The following PTPRK variants were observed in gnomAD, a reference collection of about 807,000 sequenced individuals.
PTPRK encodes the protein receptor-type tyrosine-protein phosphatase kappa.
A neutral mutation model predicts 178.0 loss-of-function variants in PTPRK; 75 were observed. That is an observed-to-expected ratio of 0.42 (90% confidence interval 0.35 to 0.51). The LOEUF (loss-of-function observed/expected upper bound fraction) is 0.51. Among genes scored for constraint, PTPRK ranks in the 20% least tolerant of loss-of-function variants. The probability of loss-of-function intolerance (pLI) is 0.02; values close to 1 mark genes in which losing one functional copy is unlikely to be tolerated. For synonymous variants in PTPRK, 637 were observed against 620.6 expected, an observed-to-expected ratio of 1.03 and a Z score of -0.39; for missense variants, 1,441 against 1,797.8, an observed-to-expected ratio of 0.80 and a Z score of 3.59.
rs138942312 is a variant in PTPRK, at chr6:127,989,757, A to G, written c.3096+1012T>C. Among the ~76,000 whole-genome samples the G allele has an allele frequency of 3.5e-3, 533 of 151,922 alleles. 3 individuals are homozygous for G. The highest frequency in any genetic ancestry group is 0.012 in the African/African-American group (485 of 41,508). ...GAAGGACAAAATGGTATATAAGTACACTAGGTTAAACATTTTTAATAGGCT... is the reference window on the plus strand; with the variant it reads ...GAAGGACAAAATGGTATATAAGTACGCTAGGTTAAACATTTTTAATAGGCT... On this transcript the variant is annotated intron_variant, in intron 21 of 29. Coordinates refer to ENST00000368226, the MANE Select transcript of PTPRK (RefSeq NM_002844.4).
intron 8 of PTPRK, among the ~76,000 whole-genome samples, chr6:128,086,133 C>A (rs1365013926): frequency 1.3e-5 from 2 of 152,066 alleles, no homozygotes; most frequent in African/African-American, 4.8e-5. Context: ...TGTTCCCTTG[C>A]CTGAGACTTA....
At chr6:128,296,519 G>A (rs61371904) in intron 3 of PTPRK, among the ~76,000 whole-genome samples, 35 of 152,280 alleles carry the variant, frequency 2.3e-4, no homozygotes, top group East Asian at 2.1e-3. Flanking sequence ...GACTAACAGC[G>A]GATCTCTTGG....
intron 2 of PTPRK, among the ~76,000 whole-genome samples, chr6:128,366,082 G>C (rs1835437768): frequency 6.6e-6 from 1 of 152,034 alleles, no homozygotes; most frequent in East Asian, 1.9e-4. Context: ...TGATGAACTA[G>C]CCCTTACCAT....
At chr6:128,390,085 T>C (rs573606445) in intron 2 of PTPRK, among the ~76,000 whole-genome samples, 7 of 152,118 alleles carry the variant, frequency 4.6e-5, no homozygotes, top group Non-Finnish European at 1.0e-4. Flanking sequence ...AATAGACAGA[T>C]GATAACATGG....
intron 13 of PTPRK, among the ~76,000 whole-genome samples, chr6:128,058,196 G>A (rs1032035119): frequency 1.3e-5 from 2 of 152,168 alleles, no homozygotes; most frequent in African/African-American, 4.8e-5. Context: ...GAATGGAATT[G>A]TTGGGACATG....
intron 1 of PTPRK, among the ~76,000 whole-genome samples, chr6:128,500,373 A>G (rs895846479): frequency 3.3e-5 from 5 of 149,428 alleles, no homozygotes; most frequent in African/African-American, 1.3e-4. Context: ...TGGGGGGGGG[A>G]GTCTCATTTC....
chr6:128,455,702 C>T (rs970744181), intron 1 of PTPRK, among the ~76,000 whole-genome samples: 5 of 152,124 alleles, frequency 3.3e-5, no homozygotes, highest in Non-Finnish European at 7.4e-5. Flanking sequence ...TATTCACACT[C>T]TAATGTCTTA....
At position 128,278,156 on chromosome 6, in the gene PTPRK, TTTA is replaced by T. The variant is rs529650496; in HGVS notation, c.496-35557_496-35555del. ...ATTTATTTATTTATTTATTTATTTA[TTTA>T]TTTATTTATTTATTTGAGACGGAGT... On this transcript the variant is annotated intron_variant, in intron 3 of 29. Coordinates refer to ENST00000368226, the MANE Select transcript of PTPRK (RefSeq NM_002844.4). Among the ~76,000 whole-genome samples the T allele has an allele frequency of 4.9e-4, 74 of 150,752 alleles. No homozygotes were observed. In the East Asian group the frequency reaches 9.7e-3, roughly 20 times the overall value.
intron 2 of PTPRK, among the ~76,000 whole-genome samples, chr6:128,363,290 G>A (rs943095495): frequency 6.6e-6 from 1 of 152,134 alleles, no homozygotes; most frequent in African/African-American, 2.4e-5. Context: ...GTCTTTTCTT[G>A]CCACTAAGAT....
chr6:128,102,574 G>A (rs953574378), intron 7 of PTPRK, among the ~76,000 whole-genome samples: 3 of 152,182 alleles, frequency 2.0e-5, no homozygotes, highest in Non-Finnish European at 4.4e-5. Flanking sequence ...AGACAGGAAA[G>A]AACTTCTATT....
intron 6 of PTPRK, among the ~76,000 whole-genome samples, chr6:128,217,970 TG>T (rs1309434912): frequency 6.6e-6 from 1 of 152,228 alleles, no homozygotes; most frequent in Admixed American, 6.5e-5. Flanking sequence ...TCAACGGAGC[TG>T]CTTTACCTCT....
intron 2 of PTPRK, among the ~76,000 whole-genome samples, chr6:128,377,711 A>C (rs1046857254): frequency 6.8e-6 from 1 of 146,434 alleles, no homozygotes; most frequent in Non-Finnish European, 1.5e-5. Context: ...AGCAACCAAC[A>C]AAAAAAAAAG....
chr6:128,328,342 C>A (rs567732889), intron 2 of PTPRK, among the ~76,000 whole-genome samples: 8 of 152,268 alleles, frequency 5.3e-5, no homozygotes, highest in African/African-American at 1.2e-4. Flanking sequence ...GCTTTGCATA[C>A]AGTAGAAGTC....
At chr6:128,428,729 C>A (rs1844474093) in intron 1 of PTPRK, among the ~76,000 whole-genome samples, 1 of 152,196 alleles carries the variant, frequency 6.6e-6, no homozygotes, top group Non-Finnish European at 1.5e-5. Context: ...GGTCCCCAAC[C>A]TATGATGGAT....
chr6:128,011,812 T>C (rs529780803), intron 13 of PTPRK, among the ~76,000 whole-genome samples: 1 of 148,140 alleles, frequency 6.8e-6, no homozygotes, highest in East Asian at 1.9e-4. Flanking sequence ...TTTTTTAACA[T>C]AGATAGAAAC....
chr6:128,226,103 C>T (rs1480944582), intron 5 of PTPRK, among the ~76,000 whole-genome samples: 2 of 152,152 alleles, frequency 1.3e-5, no homozygotes, highest in East Asian at 3.9e-4. Flanking sequence ...AGTGACAGAA[C>T]CATGTCTGCT....
Position 127,973,737 on chromosome 6 carries a change from T to C in PTPRK, c.4060A>G (p.Lys1354Glu), listed in dbSNP as rs780639444. 6.2e-7 allele frequency: 1 copy of C among 1,613,978 alleles called. No individual in the cohort carries two copies. The highest frequency in any genetic ancestry group is 8.5e-7 in the Non-Finnish European group (1 of 1,179,910). Residue 1354 changes from lysine (K) to glutamate (E), a missense_variant, in exon 28 of 30, where the codon AAA (lysine) becomes GAA (glutamate). Lys to Glu is a moderately conservative substitution (Grantham distance 56). Coordinates refer to ENST00000368226, the MANE Select transcript of PTPRK (RefSeq NM_002844.4). ...CACTTTTCCACCTGAAGTATCAGTT[T>C]CAAGAATGACCTTTTGGATCCAGGC... is the stretch of plus-strand genomic sequence containing the variant. ...EVPGSKRSFL[K>E]LILQVEKWQE...
At chr6:128,366,406 A>G (rs1319811165) in intron 2 of PTPRK, among the ~76,000 whole-genome samples, 1 of 152,140 alleles carries the variant, frequency 6.6e-6, no homozygotes, top group Non-Finnish European at 1.5e-5. Flanking sequence ...AGTTTTAATA[A>G]TTTCCCTATT....
intron 3 of PTPRK, among the ~76,000 whole-genome samples, chr6:128,266,977 A>C (rs1477706478): frequency 6.6e-6 from 1 of 152,148 alleles, no homozygotes; most frequent in Non-Finnish European, 1.5e-5. Context: ...ACTGTAAGGA[A>C]ACTTATTTAT....
Sources: allele counts gnomAD v4.1 joint callset (sites outside exome capture counted in the v4.1 genomes callset), GRCh38; gene constraint gnomAD v4.1.1; transcripts MANE v1.5; gene names NCBI Gene and HGNC (gene_info 2026-07-23, HGNC 2026-07-21).